Variants in ARHGAP6 observed in about 807,000 individuals in gnomAD.
The protein encoded by ARHGAP6 is Rho GTPase activating protein 6, also known as rho GTPase-activating protein 6.
A neutral mutation model predicts 55.7 loss-of-function variants in ARHGAP6; 16 were observed. That is an observed-to-expected ratio of 0.29 (90% CI 0.19 to 0.44). The LOEUF is 0.44. Among genes scored for constraint, ARHGAP6 ranks in the 20% least tolerant of loss-of-function variants. The pLI, the probability that ARHGAP6 is intolerant of heterozygous loss-of-function variation, is 1.00. For synonymous variants in ARHGAP6, 382 were observed against 360.9 expected (o/e 1.06, Z -0.66); for missense variants, 698 against 808.9 (o/e 0.86, Z 1.66).
intron 2 of ARHGAP6, among the ~76,000 whole-genome samples, chrX:11,242,170 G>A (rs939958057): frequency 7.1e-5 from 8 of 111,943 alleles, no homozygotes; most frequent in African/African-American, 2.6e-4. Context: ...CTGGATCCTC[G>A]AACCTCAAAG....
intron 1 of ARHGAP6, chrX:11,335,335 T>C (rs1175533611): frequency 8.4e-6 from 1 of 119,738 alleles, no homozygotes; most frequent in Non-Finnish European, 1.7e-5. Flanking sequence ...ACTCGTCACC[T>C]ACATTAGGTA....
intron 2 of ARHGAP6, among the ~76,000 whole-genome samples, chrX:11,233,415 T>C (rs1447682707): frequency 9.0e-6 from 1 of 110,739 alleles, no homozygotes; most frequent in Admixed American, 9.8e-5. Flanking sequence ...AACAGCTCAC[T>C]TGGTTGTTAT....
At chrX:11,457,776 C>G (rs1388943766) in intron 1 of ARHGAP6, among the ~76,000 whole-genome samples, 2 of 111,779 alleles carry the variant, frequency 1.8e-5, no homozygotes, top group Non-Finnish European at 3.8e-5. Flanking sequence ...ATCATCACCC[C>G]TCACTGGGAC....
At chrX:11,168,673 C>T (rs750643311) in intron 9 of ARHGAP6, among the ~76,000 whole-genome samples, 7 of 111,510 alleles carry the variant, frequency 6.3e-5, no homozygotes, top group Non-Finnish European at 1.3e-4. Context: ...GGCTTTATAG[C>T]GTTTGCAAAT....
rs774474605 is a variant in ARHGAP6, at chrX:11,209,160, G to T, written c.749-12164C>A. Reference sequence around the variant, plus strand: ...TACACTTACATATTTTATTTTATTTGAGACAGAGTCTCACTCTGTTGCCCA... The same window carrying T: ...TACACTTACATATTTTATTTTATTTTAGACAGAGTCTCACTCTGTTGCCCA... On this transcript the variant is annotated intron_variant, in intron 2 of 12. Transcript: ENST00000337414. Among the ~76,000 whole-genome samples, 4 of 111,962 alleles carry T rather than the reference G, an allele frequency of 3.6e-5. No homozygotes were observed. In the East Asian group the frequency reaches 1.1e-3, roughly 31 times the overall value.
chrX:11,609,264 G>GA (rs903294593), intron 1 of ARHGAP6, among the ~76,000 whole-genome samples: 17 of 111,751 alleles, frequency 1.5e-4, no homozygotes, highest in Non-Finnish European at 2.8e-4. Flanking sequence ...TCCAAGGGAG[G>GA]AAGTGAAATG....
intron 1 of ARHGAP6, among the ~76,000 whole-genome samples, chrX:11,315,594 T>C (rs1463511661): frequency 8.9e-6 from 1 of 112,082 alleles, no homozygotes; most frequent in East Asian, 2.8e-4. Flanking sequence ...AGACGAAGGC[T>C]GTTTTTTCTC....
chrX:11,434,943 G>A (rs952252972), intron 1 of ARHGAP6, among the ~76,000 whole-genome samples: 6 of 111,973 alleles, frequency 5.4e-5, no homozygotes, highest in East Asian at 2.8e-4. Flanking sequence ...AGAACCAACC[G>A]AAGAAAACTG....
At chrX:11,389,772 AT>A (rs2049379368) in intron 1 of ARHGAP6, among the ~76,000 whole-genome samples, 1 of 111,805 alleles carries the variant, frequency 8.9e-6, no homozygotes. Context: ...ATAGGAAGAT[AT>A]TTTTCAGAAT....
At chrX:11,185,130 T>C (rs941907176) in intron 5 of ARHGAP6, among the ~76,000 whole-genome samples, 1 of 105,528 alleles carries the variant, frequency 9.5e-6, no homozygotes, top group African/African-American at 3.5e-5. Context: ...AATGTCATTA[T>C]GTGGTGCATG....
At chrX:11,642,236 T>G (rs1377514512) in intron 1 of ARHGAP6, among the ~76,000 whole-genome samples, 2 of 111,808 alleles carry the variant, frequency 1.8e-5, no homozygotes, top group Non-Finnish European at 3.8e-5. Context: ...TATTCCAACT[T>G]GGGTGCCATC....
intron 1 of ARHGAP6, among the ~76,000 whole-genome samples, chrX:11,353,011 A>T (rs2048882337): frequency 8.9e-6 from 1 of 111,919 alleles, no homozygotes; most frequent in South Asian, 3.8e-4. Flanking sequence ...ATTCAGTTCA[A>T]GCATACTTAG....
chrX:11,502,956 C>T lies in ARHGAP6; in HGVS notation c.588+161285G>A, dbSNP rs145328360. 5.4e-3 allele frequency among the ~76,000 whole-genome samples: 593 copies of T among 110,433 alleles called. 5 individuals carry two copies. Among genetic ancestry groups the T allele is most frequent in the African/African-American group, 0.019 (566 of 30,356 alleles). ...TGTCACCCAGGCTGGAGTGCAGTGA[C>T]GCAGTCTTGACTCACTGCAACCTTC... On this transcript the variant is annotated intron_variant, in intron 1 of 12. Transcript: ENST00000337414.
chrX:11,426,111 G>C (rs1188126523), intron 1 of ARHGAP6, among the ~76,000 whole-genome samples: 1 of 112,415 alleles, frequency 8.9e-6, no homozygotes, highest in African/African-American at 3.2e-5. Flanking sequence ...AGTAACTATA[G>C]AAAAACCAGA....
At chrX:11,531,348 T>C (rs2051047232) in intron 1 of ARHGAP6, among the ~76,000 whole-genome samples, 1 of 111,867 alleles carries the variant, frequency 8.9e-6, no homozygotes, top group Non-Finnish European at 1.9e-5. Context: ...AAAAAATCAC[T>C]GTATATCACA....
intron 1 of ARHGAP6, among the ~76,000 whole-genome samples, chrX:11,384,074 T>C (rs1041240044): frequency 9.1e-6 from 1 of 110,033 alleles, no homozygotes; most frequent in Non-Finnish European, 1.9e-5. Context: ...ATCTACAGGA[T>C]GGACAATGGG....
intron 3 of ARHGAP6, among the ~76,000 whole-genome samples, chrX:11,189,892 C>T (rs1229824689): frequency 1.8e-5 from 2 of 112,142 alleles, no homozygotes; most frequent in African/African-American, 3.2e-5. Flanking sequence ...CTGAAAGGCA[C>T]TAAATAATGT....
chrX:11,625,977 T>C (rs1246362073), intron 1 of ARHGAP6, among the ~76,000 whole-genome samples: 1 of 110,807 alleles, frequency 9.0e-6, no homozygotes, highest in African/African-American at 3.3e-5. Flanking sequence ...TAAAATACCA[T>C]GAAAAAACAG....
intron 1 of ARHGAP6, among the ~76,000 whole-genome samples, chrX:11,576,873 C>T (rs1351146972): frequency 9.0e-6 from 1 of 111,434 alleles, no homozygotes; most frequent in Non-Finnish European, 1.9e-5. Flanking sequence ...AGAGGAGGAG[C>T]CCCCCATCCC....
Sources: gnomAD v4.1 joint callset for allele counts (sites outside exome capture counted in the v4.1 genomes callset) on GRCh38, gnomAD v4.1.1 for gene constraint, MANE v1.5 for transcripts, NCBI Gene and HGNC (gene_info 2026-07-23, HGNC 2026-07-21) for gene names.